CNTNAP2: variants seen among roughly 807,000 people sequenced by gnomAD.
The protein encoded by CNTNAP2 is contactin associated protein 2, also known as contactin-associated protein-like 2.
CNTNAP2 carries 98 observed loss-of-function variants against 155.2 expected under a neutral mutation model. The observed-to-expected ratio is 0.63, with a 90% CI of 0.54 to 0.75. The LOEUF (loss-of-function observed/expected upper bound fraction) is 0.75. CNTNAP2 is among the 30% of genes least tolerant of loss of function. The probability of loss-of-function intolerance (pLI) is 0.00; values close to 1 mark genes in which losing one functional copy is unlikely to be tolerated. For synonymous variants in CNTNAP2, 651 were observed against 631.2 expected, an observed-to-expected ratio of 1.03 and a Z score of -0.47; for missense variants, 1,727 against 1,688.1, an observed-to-expected ratio of 1.02 and a Z score of -0.40.
intron 3 of CNTNAP2, among the ~76,000 whole-genome samples, chr7:146,916,222 G>A (rs956894613): frequency 6.6e-6 from 1 of 152,004 alleles, no homozygotes; most frequent in Non-Finnish European, 1.5e-5. Context: ...TGGTTAGCTA[G>A]TATTTTATCG....
chr7:147,839,086 C>A (rs1169905530), intron 13 of CNTNAP2, among the ~76,000 whole-genome samples: 2 of 152,138 alleles, frequency 1.3e-5, no homozygotes, highest in East Asian at 3.9e-4. Flanking sequence ...CAGGAAGTAG[C>A]CAGCACAAGA....
rs1064794645 is a variant in CNTNAP2, at chr7:148,409,417, G to A, written c.3742G>A (p.Gly1248Arg). 6.2e-7 allele frequency: 1 copy of A among 1,613,704 alleles called. No individual in the cohort carries two copies. Among genetic ancestry groups the A allele is most frequent in the Non-Finnish European group, 8.5e-7 (1 of 1,179,744 alleles). ...CAGTGCGGATTTTCCATATAATCCA[G>A]GACAAGGCCAAGCTATAAGAAATGG... ...SASADFPYNP[G>R]QGQAIRNGVN... The change falls in exon 23 of 24, where the codon GGA (glycine) becomes AGA (arginine). Residue 1248 changes from glycine (G) to arginine (R), a missense_variant. Coordinates refer to ENST00000361727, the MANE Select transcript of CNTNAP2 (RefSeq NM_014141.6).
chr7:147,131,070 G>GTGTT (rs1801344589), intron 7 of CNTNAP2, among the ~76,000 whole-genome samples: 1 of 53,940 alleles, frequency 1.9e-5, no homozygotes, highest in African/African-American at 7.1e-5. Context: ...ATATATGTGT[G>GTGTT]TATATATATG....
chr7:147,728,075 A>T (rs547192385), intron 13 of CNTNAP2, among the ~76,000 whole-genome samples: 1 of 152,024 alleles, frequency 6.6e-6, no homozygotes, highest in Non-Finnish European at 1.5e-5. Context: ...CTTTTGCCTC[A>T]TTAGAGCCAT....
At chr7:148,019,776 G>T (rs1253938325) in intron 15 of CNTNAP2, among the ~76,000 whole-genome samples, 1 of 151,522 alleles carries the variant, frequency 6.6e-6, no homozygotes, top group Admixed American at 6.6e-5. Flanking sequence ...TCTTTTTTTG[G>T]GGGGAGGGGT....
At chr7:146,445,774 G>T (rs1796393913) in intron 1 of CNTNAP2, among the ~76,000 whole-genome samples, 1 of 152,126 alleles carries the variant, frequency 6.6e-6, no homozygotes, top group Non-Finnish European at 1.5e-5. Flanking sequence ...ATTGGTAGTG[G>T]AAACAACATT....
chr7:146,309,829 A>AAAGGAAGGAAGGAAGGAAGGAAGG (rs370487767), intron 1 of CNTNAP2, among the ~76,000 whole-genome samples: 12 of 148,820 alleles, frequency 8.1e-5, no homozygotes, highest in African/African-American at 2.8e-4. Context: ...AGAAGAAAGG[A>AAAGGAAGGAAGGAAGGAAGGAAGG]AAGGAAGGAA....
At chr7:147,560,174 A>AAAAAAAAAAAAAAAAAAAAAAAAAAAC in intron 11 of CNTNAP2, among the ~76,000 whole-genome samples, 1 of 149,670 alleles carries the variant, frequency 6.7e-6, no homozygotes, top group African/African-American at 2.5e-5. Context: ...GTCTCAAAAA[A>AAAAAAAAAAAAAAAAAAAAAAAAAAAC]AAAAAAAAAA....
rs576496035 is a variant in CNTNAP2 at position 147,165,121 on chromosome 7, C to T, written c.1348+32612C>T. 8.6e-5 allele frequency among the ~76,000 whole-genome samples: 13 copies of T among 152,024 alleles called. No individual in the cohort carries two copies. The East Asian group carries it at 2.3e-3, about 27-fold the overall frequency. ...TTTAAAAAGTACTGGTTAAGTCCAACATCCTTTTATCAAAACAGTGGGATT... is the reference window on the plus strand; with the variant it reads ...TTTAAAAAGTACTGGTTAAGTCCAATATCCTTTTATCAAAACAGTGGGATT... On this transcript the variant is annotated intron_variant, in intron 8 of 23. Coordinates refer to ENST00000361727, the MANE Select transcript of CNTNAP2 (RefSeq NM_014141.6).
At chr7:146,711,038 A>G (rs1480403546) in intron 1 of CNTNAP2, among the ~76,000 whole-genome samples, 1 of 151,720 alleles carries the variant, frequency 6.6e-6, no homozygotes, top group African/African-American at 2.4e-5. Flanking sequence ...CTCTTGGCTC[A>G]GGTGCTGGGG....
chr7:147,687,680 A>G (rs1266189766), intron 13 of CNTNAP2, among the ~76,000 whole-genome samples: 1 of 152,124 alleles, frequency 6.6e-6, no homozygotes, highest in East Asian at 1.9e-4. Context: ...AACTGTATAT[A>G]AGGCAGCAAC....
chr7:148,247,629 T>C (rs200325797), intron 20 of CNTNAP2, among the ~76,000 whole-genome samples: 1,952 of 84,302 alleles, frequency 0.023, 26 homozygotes, highest in East Asian at 0.063. Context: ...CTCTCTCTAT[T>C]TATTTATTTA....
chr7:147,541,151 C>T (rs547827750), intron 11 of CNTNAP2, among the ~76,000 whole-genome samples: 5 of 152,276 alleles, frequency 3.3e-5, no homozygotes, highest in African/African-American at 1.2e-4. Context: ...CACCCAAATT[C>T]TGGTCTGGTA....
In CNTNAP2 at chr7:147,562,229, G is replaced by A. The variant is rs1399647441; in HGVS notation, c.1869G>A (p.Gly623=). ...WIDPDGSGPL[G]PLKVYCNMTE... is the part of the protein sequence containing the mutation. ...ATCCTGATGGCAGCGGACCTCTGGG[G>A]CCTCTGAAAGTTTACTGCAACATGA... Residue 623 remains glycine (G), a synonymous_variant, in exon 12 of 24, where the codon GGG becomes GGA. Transcript: ENST00000361727. The A allele has an allele frequency of 3.7e-6, 6 of 1,613,970 alleles. No homozygotes were observed. The highest frequency in any genetic ancestry group is 4.2e-6 in the Non-Finnish European group (5 of 1,179,932).
intron 5 of CNTNAP2, among the ~76,000 whole-genome samples, chr7:147,119,553 C>T (rs894190976): frequency 6.6e-5 from 10 of 152,152 alleles, no homozygotes; most frequent in African/African-American, 2.4e-4. Context: ...CTTCCTCTTC[C>T]TCCTCTTGTC....
At chr7:146,133,355 T>G (rs891958152) in intron 1 of CNTNAP2, among the ~76,000 whole-genome samples, 59 of 152,192 alleles carry the variant, frequency 3.9e-4, no homozygotes, top group Non-Finnish European at 7.2e-4. Flanking sequence ...TTCTCCCATT[T>G]TGTAGGTTGC....
chr7:147,627,564 C>T (rs1795004501), intron 12 of CNTNAP2, among the ~76,000 whole-genome samples: 3 of 151,640 alleles, frequency 2.0e-5, no homozygotes, highest in Non-Finnish European at 4.4e-5. Context: ...GTGTGGTGGG[C>T]ACCTGTAATC....
chr7:147,067,222 C>T (rs534736366), intron 4 of CNTNAP2, among the ~76,000 whole-genome samples: 1 of 137,880 alleles, frequency 7.3e-6, no homozygotes, highest in South Asian at 2.3e-4. Flanking sequence ...ACTCATGAGG[C>T]GGAAGTTGCA....
intron 3 of CNTNAP2, among the ~76,000 whole-genome samples, chr7:146,918,735 G>A (rs1470602433): frequency 6.6e-6 from 1 of 152,172 alleles, no homozygotes; most frequent in African/African-American, 2.4e-5. Flanking sequence ...TCCCCAGCAA[G>A]GTCAGGGAAG....
Sources: gnomAD v4.1 joint callset for allele counts (sites outside exome capture counted in the v4.1 genomes callset) on GRCh38, gnomAD v4.1.1 for gene constraint, MANE v1.5 for transcripts, NCBI Gene and HGNC (gene_info 2026-07-23, HGNC 2026-07-21) for gene names.